MROH9: variants seen among roughly 807,000 people sequenced by gnomAD.
MROH9 encodes the protein maestro heat like repeat family member 9.
In MROH9, 92 loss-of-function variants were observed where a neutral mutation model predicts 98.2. That is an observed-to-expected ratio of 0.94 (90% CI 0.79 to 1.11). The LOEUF (loss-of-function observed/expected upper bound fraction) is 1.11, where lower values mean the gene tolerates loss of function less well. Ranked by LOEUF, MROH9 falls within the 50% of genes most tolerant of loss-of-function variation. The pLI is 0.00. For synonymous variants in MROH9, 397 were observed against 368.9 expected, an observed-to-expected ratio of 1.08 and a Z score of -0.87; for missense variants, 1,057 against 1,014.8, an observed-to-expected ratio of 1.04 and a Z score of -0.57.
chr1:171,001,874 C>T (rs1407783646), intron 15 of MROH9, among the ~76,000 whole-genome samples: 2 of 152,008 alleles, frequency 1.3e-5, no homozygotes, highest in African/African-American at 2.4e-5. Context: ...TGCTGTCTAT[C>T]TCATATTTTA....
chr1:170,965,184 T>C lies in MROH9; in HGVS notation c.409T>C (p.Tyr137His). ...CGTGTGGATGAGTAAAGATAGCTCA[T>C]ATCTGCAAGAGAGAATAATGGTGAT... The part of the protein sequence containing the change: ...MLVWMSKDSS[Y>H]LQERIMVIIN... Residue 137 changes from tyrosine to histidine, a missense_variant, in exon 7 of 22, where the codon TAT becomes CAT. Physicochemically the swap from Tyr to His is moderately conservative, Grantham distance 83. Coordinates refer to ENST00000367759, the MANE Select transcript of MROH9 (RefSeq NM_001163629.2). The C allele has an allele frequency of 1.2e-6, 2 of 1,611,362 alleles. No homozygotes were observed. The highest frequency in any genetic ancestry group is 1.7e-6 in the Non-Finnish European group (2 of 1,178,134).
chr1:170,942,824 G>A (rs528546295), intron 1 of MROH9, among the ~76,000 whole-genome samples: 72 of 152,240 alleles, frequency 4.7e-4, no homozygotes, highest in Non-Finnish European at 9.0e-4. Flanking sequence ...CCAAACATAA[G>A]CTGGTGAAGC....
At position 170,935,577 on chromosome 1, in the gene MROH9, G is replaced by C. The variant is rs1557863588; in HGVS notation, c.-48G>C. ...TTTGTCTCACCGTGATTACAGAGAA[G>C]TTACAAATATGTAAGTGAATTCCTA... On this transcript the variant is annotated 5_prime_UTR_variant, in exon 1 of 22. Transcript: ENST00000367759. The C allele has an allele frequency of 6.6e-6, 1 of 152,204 alleles. No homozygotes were observed. The allele number at this position is 152,204 out of a possible 1,614,324, so 9.4% of individuals were successfully genotyped here. A position where few individuals can be genotyped will look rare whatever the true frequency, so the allele number is the denominator to read the frequency against.
intron 17 of MROH9, among the ~76,000 whole-genome samples, chr1:171,019,796 C>CA (rs1468074428): frequency 1.3e-5 from 2 of 151,950 alleles, no homozygotes; most frequent in East Asian, 1.9e-4. Flanking sequence ...AGTAAAGACA[C>CA]AAAAAACTCT....
At chr1:171,056,480 C>A (rs772781143) in intron 20 of MROH9, among the ~76,000 whole-genome samples, 2 of 152,180 alleles carry the variant, frequency 1.3e-5, no homozygotes, top group Non-Finnish European at 2.9e-5. Flanking sequence ...AGGGACAGAA[C>A]CCAGATCTCC....
intron 20 of MROH9, among the ~76,000 whole-genome samples, chr1:171,060,438 T>C (rs764368926): frequency 6.6e-6 from 1 of 152,208 alleles, no homozygotes; most frequent in Non-Finnish European, 1.5e-5. Flanking sequence ...TGTGACAAGC[T>C]GATTATAAAC....
intron 7 of MROH9, among the ~76,000 whole-genome samples, chr1:170,971,264 C>T (rs1172882067): frequency 6.6e-6 from 1 of 152,126 alleles, no homozygotes; most frequent in Non-Finnish European, 1.5e-5. Flanking sequence ...AATGAATTCC[C>T]TTGAGAGGAG....
At chr1:171,004,656 TC>T (rs1042076102) in intron 15 of MROH9, among the ~76,000 whole-genome samples, 5 of 152,146 alleles carry the variant, frequency 3.3e-5, no homozygotes, top group Admixed American at 3.3e-4. Context: ...GGTCTGTGGG[TC>T]CTCTCAGGAT....
chr1:170,944,034 G>C (rs575268659), intron 1 of MROH9, among the ~76,000 whole-genome samples: 2 of 151,894 alleles, frequency 1.3e-5, no homozygotes, highest in Non-Finnish European at 2.9e-5. Context: ...AAAAATAAAA[G>C]ATAAGGGGAA....
Position 170,990,009 on chromosome 1 carries a change from G to T in MROH9, c.1028+6G>T. On this transcript the variant is annotated splice_donor_region_variant and intron_variant, in intron 11 of 21. Coordinates refer to ENST00000367759, the MANE Select transcript of MROH9 (RefSeq NM_001163629.2). ...TACCCAGTTCCAGCAGACGAGTAAG[G>T]CCCCCCAACCCTCTGTCCCTTCCAC... 1.9e-6 allele frequency: 3 copies of T among 1,607,952 alleles called. No individual in the cohort carries two copies. The highest frequency in any genetic ancestry group is 2.6e-6 in the Non-Finnish European group (3 of 1,175,978).
intron 15 of MROH9, among the ~76,000 whole-genome samples, chr1:171,000,591 A>T (rs1651752434): frequency 6.6e-6 from 1 of 152,132 alleles, no homozygotes; most frequent in Non-Finnish European, 1.5e-5. Context: ...TATGAAACCC[A>T]CTTGATCATG....
At chr1:171,064,066 T>C (rs1445741075) in intron 21 of MROH9, 33 bp from the exon 22 acceptor site, 4 of 1,511,724 alleles carry the variant, frequency 2.6e-6, no homozygotes, top group East Asian at 2.5e-5. Context: ...AAGAAAGAGA[T>C]AACTTGAACT....
At chr1:170,950,751 GAAT>G (rs1649519157) in intron 3 of MROH9, among the ~76,000 whole-genome samples, 1 of 152,008 alleles carries the variant, frequency 6.6e-6, no homozygotes, top group African/African-American at 2.4e-5. Flanking sequence ...ATGCTTCTAT[GAAT>G]AATCTAAGTT....
chr1:171,063,474 G>A (rs933361338), intron 21 of MROH9, among the ~76,000 whole-genome samples: 1 of 151,718 alleles, frequency 6.6e-6, no homozygotes, highest in Non-Finnish European at 1.5e-5. Flanking sequence ...GGATGGTCTC[G>A]ATCTCCTGAC....
chr1:170,964,218 T>C (rs901431297), intron 6 of MROH9, among the ~76,000 whole-genome samples: 1 of 152,076 alleles, frequency 6.6e-6, no homozygotes, highest in Admixed American at 6.6e-5. Flanking sequence ...ATAATATATA[T>C]AATGCTAATG....
chr1:171,000,844 ATTCTGCTGTGAATCC>A (rs1235438730), intron 15 of MROH9, among the ~76,000 whole-genome samples: 1 of 152,062 alleles, frequency 6.6e-6, no homozygotes, highest in African/African-American at 2.4e-5. Flanking sequence ...GTCTGGTAGA[ATTCTGCTGTGAATCC>A]ATCTGGTCCT....
rs902477596 is a variant in MROH9, at chr1:171,037,838, T to C, written c.2281+12418T>C. The stretch of plus-strand genomic sequence containing the variant: ...ACCTTAACTAACAGTGATGAAAATA[T>C]GGAATGTTTGTTAAATGACATTGGG... On this transcript the variant is annotated intron_variant, in intron 20 of 21. Transcript: ENST00000367759. Among the ~76,000 whole-genome samples the C allele has an allele frequency of 5.3e-5, 8 of 152,138 alleles. No individual in the cohort carries two copies. In the South Asian group the frequency reaches 8.3e-4, roughly 16 times the overall value.
intron 17 of MROH9, among the ~76,000 whole-genome samples, 188 bp from the exon 18 acceptor site, chr1:171,024,207 C>T (rs1430130386): frequency 1.3e-5 from 2 of 151,862 alleles, no homozygotes; most frequent in African/African-American, 4.8e-5. Flanking sequence ...GATGCCCTAA[C>T]TACTTGAACC....
chr1:171,024,174 C>T (rs571058859), intron 17 of MROH9, among the ~76,000 whole-genome samples: 2 of 152,060 alleles, frequency 1.3e-5, no homozygotes, highest in East Asian at 3.9e-4. Context: ...AATAGGTAGG[C>T]AAATATTATT....
Sources: allele counts gnomAD v4.1 joint callset (sites outside exome capture counted in the v4.1 genomes callset), GRCh38; gene constraint gnomAD v4.1.1; transcripts MANE v1.5; gene names NCBI Gene and HGNC (gene_info 2026-07-23, HGNC 2026-07-21).